EPHA5: variants seen among roughly 807,000 people sequenced by gnomAD.
EPHA5 encodes EPH receptor A5.
EPHA5 carries 60 observed loss-of-function variants against 105.0 expected under a neutral mutation model. That is an observed-to-expected ratio of 0.57 (90% confidence interval 0.46 to 0.71). The LOEUF (loss-of-function observed/expected upper bound fraction) is 0.71. Ranked by LOEUF, EPHA5 falls within the 30% of genes least tolerant of loss-of-function variation. The pLI is 0.00. For synonymous variants in EPHA5, 513 were observed against 449.1 expected (o/e 1.14, Z -1.80); for missense variants, 1,218 against 1,274.7 (o/e 0.96, Z 0.68).
chr4:65,590,561 TCTAGA>T (rs1397769847), intron 3 of EPHA5, among the ~76,000 whole-genome samples: 5 of 152,168 alleles, frequency 3.3e-5, no homozygotes, highest in African/African-American at 7.2e-5. Context: ...GGCATGTCTT[TCTAGA>T]CTAAAGTATG....
intron 5 of EPHA5, among the ~76,000 whole-genome samples, chr4:65,424,468 T>A (rs902032835): frequency 2.6e-5 from 4 of 152,096 alleles, no homozygotes; most frequent in Non-Finnish European, 5.9e-5. Flanking sequence ...GGAACAATAA[T>A]ATAAATTCAT....
chr4:65,348,426 C>T (rs1560437298), intron 13 of EPHA5, among the ~76,000 whole-genome samples: 2 of 151,628 alleles, frequency 1.3e-5, no homozygotes, highest in Admixed American at 6.6e-5. Flanking sequence ...TACTGAAATA[C>T]ATACAGAAAC....
chr4:65,495,287 G>A, intron 4 of EPHA5, 101 bp downstream of exon 4: 1 of 1,267,812 alleles, frequency 7.9e-7, no homozygotes, highest in African/African-American at 1.5e-5. Flanking sequence ...CATTATGTCT[G>A]TTTTAGGGGG....
chr4:65,646,133 A>G (rs1748092316), intron 1 of EPHA5, among the ~76,000 whole-genome samples: 1 of 152,088 alleles, frequency 6.6e-6, no homozygotes, highest in Non-Finnish European at 1.5e-5. Flanking sequence ...GTCCTTCAAA[A>G]CGTATTTCAG....
chr4:65,513,342 A>G (rs1009698472), intron 3 of EPHA5, among the ~76,000 whole-genome samples: 5 of 151,980 alleles, frequency 3.3e-5, no homozygotes, highest in African/African-American at 1.2e-4. Context: ...GATGACTCAT[A>G]TTTTATAGTG....
intron 3 of EPHA5, among the ~76,000 whole-genome samples, chr4:65,597,549 C>A (rs192312318): frequency 6.6e-6 from 1 of 151,454 alleles, no homozygotes; most frequent in East Asian, 1.9e-4. Context: ...GGGAAACATA[C>A]TTGGATAAAT....
intron 3 of EPHA5, among the ~76,000 whole-genome samples, chr4:65,542,057 T>G: frequency 6.7e-6 from 1 of 148,774 alleles, no homozygotes; most frequent in Non-Finnish European, 1.5e-5. Context: ...AACAAAGAGA[T>G]AATGTGTCTC....
At chr4:65,370,896 A>G (rs964957373) in intron 8 of EPHA5, among the ~76,000 whole-genome samples, 3 of 152,136 alleles carry the variant, frequency 2.0e-5, no homozygotes, top group Non-Finnish European at 2.9e-5. Flanking sequence ...AACAGCAAGT[A>G]AAAGTGCAGC....
chr4:65,513,629 G>A (rs1164178481), intron 3 of EPHA5, among the ~76,000 whole-genome samples: 3 of 151,942 alleles, frequency 2.0e-5, no homozygotes, highest in Non-Finnish European at 2.9e-5. Context: ...CTTGTGATCC[G>A]CCTGCCTCTG....
chr4:65,647,396 T>C (rs1264965215), intron 1 of EPHA5, among the ~76,000 whole-genome samples: 1 of 151,028 alleles, frequency 6.6e-6, no homozygotes, highest in East Asian at 1.9e-4. Context: ...TTTTCAGAAG[T>C]TAATTTCCCA....
intron 6 of EPHA5, among the ~76,000 whole-genome samples, 171 bp from the exon 7 acceptor site, chr4:65,414,614 A>AAT (rs1241184919): frequency 6.6e-6 from 1 of 152,186 alleles, no homozygotes; most frequent in Non-Finnish European, 1.5e-5. Context: ...ATTTACATAG[A>AAT]ATATTAAAGT....
At chr4:65,507,240 A>G (rs1238605833) in intron 3 of EPHA5, among the ~76,000 whole-genome samples, 1 of 152,094 alleles carries the variant, frequency 6.6e-6, no homozygotes, top group East Asian at 1.9e-4. Context: ...CTGTTTTGGT[A>G]CCAGTACCAT....
chr4:65,422,949 A>C (rs10866158), intron 5 of EPHA5, among the ~76,000 whole-genome samples: 20,384 of 152,080 alleles, frequency 0.13, 1,430 homozygotes, highest in African/African-American at 0.16. Flanking sequence ...TATCAATTAA[A>C]GTCCACAGTT....
intron 3 of EPHA5, among the ~76,000 whole-genome samples, chr4:65,502,664 T>G (rs34030982): frequency 0.084 from 12,775 of 151,864 alleles, 723 homozygotes; most frequent in East Asian, 0.15. Flanking sequence ...TGTAATTAGT[T>G]CATCACTATG....
chr4:65,495,845 T>G (rs910943484), intron 3 of EPHA5, among the ~76,000 whole-genome samples: 1 of 152,180 alleles, frequency 6.6e-6, no homozygotes, highest in Non-Finnish European at 1.5e-5. Flanking sequence ...TATTTAAAAC[T>G]GAAGCAGTGC....
At chr4:65,408,186 A>T (rs1197291474) in intron 7 of EPHA5, among the ~76,000 whole-genome samples, 4 of 152,148 alleles carry the variant, frequency 2.6e-5, no homozygotes, top group Non-Finnish European at 4.4e-5. Context: ...AATAATTTAC[A>T]GGGTACTGTC....
At chr4:65,665,840 G>T (rs1051273349) in intron 1 of EPHA5, among the ~76,000 whole-genome samples, 1 of 152,008 alleles carries the variant, frequency 6.6e-6, no homozygotes, top group East Asian at 1.9e-4. Context: ...AACTATTCAC[G>T]GTCCCTTGTA....
intron 16 of EPHA5, chr4:65,331,678 T>C (rs1463961915): frequency 1.8e-6 from 2 of 1,129,356 alleles, no homozygotes; most frequent in Admixed American, 4.8e-5. Context: ...AAAAAACTTG[T>C]CAAGAAAACA....
chr4:65,620,769 T>C (rs1227845263), intron 2 of EPHA5, among the ~76,000 whole-genome samples: 1 of 152,160 alleles, frequency 6.6e-6, no homozygotes, highest in East Asian at 1.9e-4. Context: ...GACATTAAGA[T>C]TTTTCTGGAA....
Sources: gnomAD v4.1 joint callset for allele counts (sites outside exome capture counted in the v4.1 genomes callset) on GRCh38, gnomAD v4.1.1 for gene constraint, MANE v1.5 for transcripts, NCBI Gene and HGNC (gene_info 2026-07-23, HGNC 2026-07-21) for gene names.